LTBP1: variants seen among roughly 807,000 people sequenced by gnomAD.
LTBP1 encodes latent-transforming growth factor beta-binding protein 1.
In LTBP1, 129 loss-of-function variants were observed where a neutral mutation model predicts 207.6. The observed-to-expected ratio is 0.62, with a 90% CI of 0.54 to 0.72. The LOEUF (loss-of-function observed/expected upper bound fraction) is 0.72. Ranked by LOEUF, LTBP1 falls within the 30% of genes least tolerant of loss-of-function variation. LTBP1 has a pLI of 0.00. For missense variants in LTBP1, 2,281 were observed against 2,217.2 expected (o/e 1.03, Z -0.58); for synonymous variants, 963 against 833.7 (o/e 1.16, Z -2.67).
At chr2:33,308,902 A>G (rs1210382739) in intron 22 of LTBP1, among the ~76,000 whole-genome samples, 1 of 152,206 alleles carries the variant, frequency 6.6e-6, no homozygotes, top group Admixed American at 6.5e-5. Context: ...AGTCTTTATC[A>G]TCACCAACAA....
intron 7 of LTBP1, among the ~76,000 whole-genome samples, chr2:33,193,988 T>G (rs13412424): frequency 0.28 from 43,065 of 151,726 alleles, 6,371 homozygotes; most frequent in Non-Finnish European, 0.32. Context: ...TTATTTTTAT[T>G]TATTTATTTA....
chr2:33,258,206 A>G (rs1438451309), intron 12 of LTBP1, among the ~76,000 whole-genome samples: 3 of 152,220 alleles, frequency 2.0e-5, no homozygotes, highest in African/African-American at 7.2e-5. Flanking sequence ...CTATCTCTTG[A>G]TATAAACCCA....
chr2:33,066,848 GC>G (rs991995296), intron 3 of LTBP1, among the ~76,000 whole-genome samples: 46 of 152,292 alleles, frequency 3.0e-4, no homozygotes, highest in African/African-American at 1.0e-3. Context: ...ATTAAATCAT[GC>G]TTGATTGCAG....
intron 5 of LTBP1, among the ~76,000 whole-genome samples, chr2:33,178,769 C>T (rs1451065602): frequency 6.6e-6 from 1 of 152,126 alleles, no homozygotes; most frequent in Non-Finnish European, 1.5e-5. Flanking sequence ...ATCTCACCAC[C>T]ATGTTGGTTT....
chr2:33,142,287 T>A (rs986083795), intron 5 of LTBP1, among the ~76,000 whole-genome samples: 1 of 151,910 alleles, frequency 6.6e-6, no homozygotes, highest in Admixed American at 6.6e-5. Flanking sequence ...GATCTCCTGA[T>A]CTCGTGATCC....
At chr2:33,282,090 A>T (rs2093570438) in intron 19 of LTBP1, among the ~76,000 whole-genome samples, 1 of 143,284 alleles carries the variant, frequency 7.0e-6, no homozygotes, top group Admixed American at 7.0e-5. Context: ...TATATATATA[A>T]ACTTTAGTGA....
chr2:33,342,915 C>G lies in LTBP1; in HGVS notation c.3808C>G (p.Leu1270Val). ...CAATACAGCTGGCTCCTTCCGCTGC[C>G]TCTGTTATCAGGGCTTTCAAGCCCC... ...CDNTAGSFRC[L>V]CYQGFQAPQD... Residue 1270 changes from leucine to valine, a missense_variant, in exon 25 of 34, where the codon CTC becomes GTC. Leu to Val is a conservative substitution (Grantham distance 32). Transcript: ENST00000404816. 3 of 1,614,106 alleles carry G rather than the reference C, an allele frequency of 1.9e-6. No homozygotes were observed. Among genetic ancestry groups the G allele is most frequent in the Non-Finnish European group, 2.5e-6 (3 of 1,179,964 alleles).
chr2:33,307,725 C>A (rs144720884), intron 22 of LTBP1, among the ~76,000 whole-genome samples: 1 of 152,104 alleles, frequency 6.6e-6, no homozygotes, highest in Non-Finnish European at 1.5e-5. Context: ...TGAGAACCTG[C>A]CTTAGTTGAG....
chr2:32,985,860 G>A (rs1271514861), intron 2 of LTBP1, among the ~76,000 whole-genome samples: 1 of 151,998 alleles, frequency 6.6e-6, no homozygotes, highest in African/African-American at 2.4e-5. Flanking sequence ...AAACCTCAGG[G>A]AAGATCTGAG....
intron 11 of LTBP1, among the ~76,000 whole-genome samples, chr2:33,253,064 TCCTTTTGAATATTAAGAAAA>T (rs1257183870): frequency 6.6e-6 from 1 of 152,226 alleles, no homozygotes; most frequent in African/African-American, 2.4e-5. Flanking sequence ...ATATCAGACT[TCCTTTTGAATATTAAGAAAA>T]GCCATTATAT....
intron 5 of LTBP1, among the ~76,000 whole-genome samples, chr2:33,139,192 G>A (rs1396115979): frequency 6.6e-6 from 1 of 151,798 alleles, no homozygotes; most frequent in African/African-American, 2.4e-5. Context: ...TTCATTTGAT[G>A]CTTACTGCCT....
chr2:33,254,288 G>A (rs971212557), intron 11 of LTBP1, among the ~76,000 whole-genome samples: 1 of 151,990 alleles, frequency 6.6e-6, no homozygotes, highest in Non-Finnish European at 1.5e-5. Context: ...TTTTGTGTCT[G>A]TATAATGTGT....
At chr2:33,207,110 G>C (rs1174730830) in intron 7 of LTBP1, among the ~76,000 whole-genome samples, 3 of 152,206 alleles carry the variant, frequency 2.0e-5, no homozygotes, top group Non-Finnish European at 4.4e-5. Context: ...TCAAATCATT[G>C]TAGAGGTGGA....
intron 19 of LTBP1, 22 bp from the exon 20 acceptor site, chr2:33,293,138 C>G (rs747804735): frequency 1.3e-6 from 2 of 1,599,714 alleles, no homozygotes; most frequent in African/African-American, 1.4e-5. Flanking sequence ...TTTGTTCTTT[C>G]CATTACGCAA....
At position 33,293,286 on chromosome 2, in the gene LTBP1, A is replaced by T; in HGVS notation, c.3235+4A>T. On this transcript the variant is annotated splice_donor_region_variant and intron_variant, in intron 20 of 33. Coordinates refer to ENST00000404816, the MANE Select transcript of LTBP1 (RefSeq NM_206943.4). ...CCGGACCACAAGCACTGTAGAGGTA[A>T]ATACTGTGATCAAGTTTCCCATTTT... 1 of 1,590,538 alleles carries T rather than the reference A, an allele frequency of 6.3e-7. No homozygotes were observed. Among genetic ancestry groups the T allele is most frequent in the Non-Finnish European group, 8.5e-7 (1 of 1,173,324 alleles).
chr2:33,221,938 G>A, intron 8 of LTBP1, 142 bp from the exon 9 acceptor site: 1 of 526,912 alleles, frequency 1.9e-6, no homozygotes, highest in South Asian at 3.3e-5. Flanking sequence ...AAAAATTATG[G>A]AGATATACAT....
At chr2:33,390,950 C>G (rs1190167918) in intron 32 of LTBP1, among the ~76,000 whole-genome samples, 1 of 152,106 alleles carries the variant, frequency 6.6e-6, no homozygotes, top group Non-Finnish European at 1.5e-5. Flanking sequence ...AGATTTCTAG[C>G]TGAATTTAGG....
chr2:33,346,271 G>A (rs1156825123), intron 25 of LTBP1, among the ~76,000 whole-genome samples: 1 of 152,166 alleles, frequency 6.6e-6, no homozygotes, highest in Non-Finnish European at 1.5e-5. Flanking sequence ...GATAATTATG[G>A]ATGCTTTGGC....
intron 24 of LTBP1, among the ~76,000 whole-genome samples, chr2:33,319,970 G>C (rs1221943824): frequency 6.6e-6 from 1 of 152,176 alleles, no homozygotes; most frequent in Non-Finnish European, 1.5e-5. Context: ...GTGTCTACCT[G>C]TGTGCCATCC....
Sources: gnomAD v4.1 joint callset for allele counts (sites outside exome capture counted in the v4.1 genomes callset) on GRCh38, gnomAD v4.1.1 for gene constraint, MANE v1.5 for transcripts, NCBI Gene and HGNC (gene_info 2026-07-23, HGNC 2026-07-21) for gene names.